FAF1: variants seen among roughly 807,000 people sequenced by gnomAD.
FAF1 encodes the protein FAS-associated factor 1.
FAF1 carries 25 observed loss-of-function variants against 92.5 expected under a neutral mutation model. That is an observed-to-expected ratio of 0.27 (90% CI 0.20 to 0.38). The LOEUF is 0.38. FAF1 is among the 10% of genes least tolerant of loss of function. The pLI is 1.00. For missense variants in FAF1, 636 were observed against 793.3 expected (o/e 0.80, Z 2.38); for synonymous variants, 234 against 273.2 (o/e 0.86, Z 1.42).
chr1:50,807,420 A>C (rs1300380717), intron 2 of FAF1, among the ~76,000 whole-genome samples: 1 of 152,244 alleles, frequency 6.6e-6, no homozygotes, highest in Non-Finnish European at 1.5e-5. Context: ...ACATCTTCAC[A>C]TGGCAGCAGG....
intron 1 of FAF1, among the ~76,000 whole-genome samples, chr1:50,881,722 T>C (rs1314408619): frequency 1.3e-5 from 2 of 152,232 alleles, no homozygotes; most frequent in African/African-American, 2.4e-5. Context: ...ATCACTGTTA[T>C]CTCTCCCATT....
rs369891385 is a variant in FAF1, at chr1:50,543,474, A to G, written c.1269-3746T>C. On this transcript the variant is annotated intron_variant, in intron 13 of 18. Transcript: ENST00000396153. ...ATGAGTTTAAAAGAGCCTCAGGTATAAAGTGGAAATAACACTTACCTTTAA... is the reference window on the plus strand; with the variant it reads ...ATGAGTTTAAAAGAGCCTCAGGTATGAAGTGGAAATAACACTTACCTTTAA... Among the ~76,000 whole-genome samples the G allele has an allele frequency of 1.5e-4, 23 of 152,342 alleles. No individual in the cohort carries two copies. The East Asian group carries it at 4.2e-3, about 28-fold the overall frequency.
At chr1:50,681,499 C>T (rs1428331631) in intron 7 of FAF1, among the ~76,000 whole-genome samples, 1 of 151,922 alleles carries the variant, frequency 6.6e-6, no homozygotes, top group Non-Finnish European at 1.5e-5. Flanking sequence ...AAATTCCACA[C>T]AGCACAATCT....
intron 14 of FAF1, among the ~76,000 whole-genome samples, chr1:50,536,300 CT>C (rs1402092357): frequency 6.6e-5 from 10 of 152,054 alleles, no homozygotes; most frequent in African/African-American, 2.4e-4. Context: ...TTGTTATTTG[CT>C]TGGGATGTAC....
At chr1:50,496,432 A>T (rs1046624216) in intron 15 of FAF1, among the ~76,000 whole-genome samples, 1 of 152,236 alleles carries the variant, frequency 6.6e-6, no homozygotes, top group Non-Finnish European at 1.5e-5. Flanking sequence ...AAATAAAGAA[A>T]GAGAAGTTTC....
chr1:50,763,100 C>G (rs368683937), intron 4 of FAF1, among the ~76,000 whole-genome samples: 4 of 151,926 alleles, frequency 2.6e-5, no homozygotes, highest in East Asian at 1.9e-4. Flanking sequence ...ACTAAAAATA[C>G]AAAAAAATTA....
At chr1:50,503,830 G>A (rs1046512882) in intron 15 of FAF1, among the ~76,000 whole-genome samples, 8 of 152,010 alleles carry the variant, frequency 5.3e-5, no homozygotes, top group African/African-American at 1.2e-4. Flanking sequence ...TCTAGAAAAC[G>A]CAAACAAATC....
At position 50,959,672 on chromosome 1, in the gene FAF1, C is replaced by G. The variant is rs761346080; in HGVS notation, c.45+95G>C. 4 of 1,080,426 alleles carry G rather than the reference C, an allele frequency of 3.7e-6. No homozygotes were observed. In the African/African-American group the frequency reaches 4.9e-5, roughly 13 times the overall value. 66.9% of individuals were successfully genotyped at this position (1,080,426 alleles called of 1,614,324 possible). The stretch of plus-strand genomic sequence containing the variant: ...CCGTATAAAAGCCTAAATGACACAC[C>G]ACTGCAGCGTTCAAACGCTGGGAAG... On this transcript the variant is annotated intron_variant, in intron 1 of 18. Coordinates refer to ENST00000396153, the MANE Select transcript of FAF1 (RefSeq NM_007051.3).
At chr1:50,928,983 G>A (rs547369221) in intron 1 of FAF1, among the ~76,000 whole-genome samples, 3 of 149,144 alleles carry the variant, frequency 2.0e-5, no homozygotes, top group Non-Finnish European at 4.4e-5. Context: ...TGCATGGGAG[G>A]ATTGCTTGAG....
At chr1:50,647,355 A>G (rs1460200550) in intron 8 of FAF1, among the ~76,000 whole-genome samples, 6 of 152,186 alleles carry the variant, frequency 3.9e-5, no homozygotes, top group African/African-American at 1.4e-4. Context: ...CCTGTAACCA[A>G]TACAGCTGTT....
intron 15 of FAF1, among the ~76,000 whole-genome samples, chr1:50,510,025 C>A (rs909099353): frequency 6.6e-6 from 1 of 151,740 alleles, no homozygotes; most frequent in Non-Finnish European, 1.5e-5. Flanking sequence ...AAAAATTAGC[C>A]GGGTGTGGCG....
intron 6 of FAF1, among the ~76,000 whole-genome samples, chr1:50,714,231 C>G (rs1658076787): frequency 6.7e-6 from 1 of 149,424 alleles, no homozygotes; most frequent in African/African-American, 2.5e-5. Flanking sequence ...GCCTGGGTGT[C>G]GTGGCTCACG....
At chr1:50,564,559 C>T (rs1025457166) in intron 13 of FAF1, among the ~76,000 whole-genome samples, 1 of 151,988 alleles carries the variant, frequency 6.6e-6, no homozygotes, top group African/African-American at 2.4e-5. Flanking sequence ...TGCAAGCAGT[C>T]GTCTACTGAA....
intron 2 of FAF1, among the ~76,000 whole-genome samples, chr1:50,845,207 G>C (rs537536834): frequency 6.6e-6 from 1 of 152,198 alleles, no homozygotes; most frequent in Non-Finnish European, 1.5e-5. Context: ...GCACTGGAAG[G>C]ACACTGCAGA....
At chr1:50,470,188 CA>C (rs1646553929) in intron 18 of FAF1, among the ~76,000 whole-genome samples, 1 of 152,152 alleles carries the variant, frequency 6.6e-6, no homozygotes. Context: ...CTGGTGCTTG[CA>C]GCTGCAATTT....
At chr1:50,604,287 T>C (rs1652276378) in intron 8 of FAF1, among the ~76,000 whole-genome samples, 1 of 152,138 alleles carries the variant, frequency 6.6e-6, no homozygotes, top group Admixed American at 6.5e-5. Flanking sequence ...AGAGAGAAGG[T>C]ATCAGCAGCC....
chr1:50,846,547 G>C, intron 2 of FAF1: 1 of 512,558 alleles, frequency 2.0e-6, no homozygotes, highest in Non-Finnish European at 3.9e-6. Flanking sequence ...ATACGATAGA[G>C]GTTCTGATGG....
intron 18 of FAF1, among the ~76,000 whole-genome samples, chr1:50,474,643 G>T (rs1646616727): frequency 6.6e-6 from 1 of 152,058 alleles, no homozygotes; most frequent in Non-Finnish European, 1.5e-5. Flanking sequence ...CGTGTATTCA[G>T]CTTAATTCGA....
intron 8 of FAF1, among the ~76,000 whole-genome samples, chr1:50,639,362 C>T (rs1332048149): frequency 2.6e-5 from 4 of 152,136 alleles, no homozygotes; most frequent in Non-Finnish European, 4.4e-5. Flanking sequence ...AAGCAGCTGC[C>T]GCTGTTTTCC....
Sources: allele counts gnomAD v4.1 joint callset (sites outside exome capture counted in the v4.1 genomes callset), GRCh38; gene constraint gnomAD v4.1.1; transcripts MANE v1.5; gene names NCBI Gene and HGNC (gene_info 2026-07-23, HGNC 2026-07-21).